Variants in ZNF30 observed in about 807,000 individuals in gnomAD.
The protein encoded by ZNF30 is zinc finger protein 30 (KOX 28).
Under a neutral mutation model 13.2 loss-of-function variants are expected in ZNF30, and 15 were observed. The ratio of observed to expected loss-of-function variants is 1.13; its 90% CI spans 0.76 to 1.75. The LOEUF (loss-of-function observed/expected upper bound fraction) is 1.75, where lower values mean the gene tolerates loss of function less well. ZNF30 is among the 40% of genes most tolerant of loss of function. The pLI, the probability that ZNF30 is intolerant of heterozygous loss-of-function variation, is 0.00. For missense variants in ZNF30, 726 were observed against 757.0 expected (o/e 0.96, Z 0.48); for synonymous variants, 223 against 256.6 (o/e 0.87, Z 1.25).
At position 34,927,033 on chromosome 19, in the gene ZNF30, G is replaced by T; in HGVS notation, c.-248G>T. The T allele has an allele frequency of 2.5e-6, 1 of 398,588 alleles. No homozygotes were observed. The highest frequency in any genetic ancestry group is 4.4e-6 in the Non-Finnish European group (1 of 226,008). 24.7% of individuals were successfully genotyped at this position (398,588 alleles called of 1,614,324 possible). ...GGCCACTGGAACGACCTCAATCTCT[G>T]CCTCCTCGCCAGTTCATTGTGGTCG... On this transcript the variant is annotated 5_prime_UTR_variant, in exon 1 of 5. Transcript: ENST00000601142.
upstream of ZNF30, among the ~76,000 whole-genome samples, chr19:34,925,371 T>C (rs982846525): frequency 2.0e-5 from 3 of 152,156 alleles, no homozygotes; most frequent in African/African-American, 4.8e-5. Flanking sequence ...CTCTCAACAG[T>C]TGGGGGAGCC....
At chr19:34,931,477 G>GA (rs1226717525) in intron 2 of ZNF30, among the ~76,000 whole-genome samples, 37 of 152,172 alleles carry the variant, frequency 2.4e-4, no homozygotes, top group Non-Finnish European at 4.0e-4. Flanking sequence ...TACAGTTGGA[G>GA]AAAGGAATCA....
At chr19:34,932,040 C>CCTG in intron 3 of ZNF30, 47 bp downstream of exon 3, 2 of 1,486,496 alleles carry the variant, frequency 1.3e-6, no homozygotes, top group South Asian at 1.5e-5. Flanking sequence ...CCCTGTTATA[C>CCTG]TTTCTCCTTT....
Position 34,938,454 on chromosome 19 carries a change from C to G in ZNF30, c.256+4731C>G, listed in dbSNP as rs1204164912. Among the ~76,000 whole-genome samples the G allele has an allele frequency of 3.3e-5, 5 of 151,972 alleles. No homozygotes were observed. The South Asian group carries it at 6.2e-4, about 19-fold the overall frequency. On this transcript the variant is annotated intron_variant, in intron 4 of 4. Transcript: ENST00000601142. ...ATTCTTAAAAGTCTGGATTTGGGAA[C>G]TTTTTTTGCATTTTGCCAACTGAGT...
chr19:34,943,969 C>CA lies in ZNF30; in HGVS notation c.1004dup (p.Ser336GlufsTer6). ...TGTGTATGGACAGCTTACTCGACATCAGAGTATTCATACTGGTGAGAAACC... is the reference window on the plus strand; with the variant it reads ...TGTGTATGGACAGCTTACTCGACATCAAGAGTATTCATACTGGTGAGAAACC... On this transcript the variant is annotated frameshift_variant, in exon 5 of 5. Transcript: ENST00000601142. LOFTEE classifies it low-confidence loss of function (END_TRUNC). The CA allele has an allele frequency of 6.2e-7, 1 of 1,614,070 alleles. No individual in the cohort carries two copies. The highest frequency in any genetic ancestry group is 8.5e-7 in the Non-Finnish European group (1 of 1,180,014).
chr19:34,933,040 A>G (rs2012538794), intron 3 of ZNF30, among the ~76,000 whole-genome samples: 1 of 151,970 alleles, frequency 6.6e-6, no homozygotes, highest in East Asian at 1.9e-4. Context: ...CTGGCCTCCA[A>G]AAGTGCTGGG....
At chr19:34,935,700 GTTTTTTTTTTTTTT>G (rs142285130) in intron 4 of ZNF30, among the ~76,000 whole-genome samples, 1 of 84,222 alleles carries the variant, frequency 1.2e-5, no homozygotes, top group African/African-American at 5.2e-5. Context: ...GTTGTCTATA[GTTTTTTTTTTTTTT>G]TTTTTTTTTT....
intron 3 of ZNF30, among the ~76,000 whole-genome samples, chr19:34,933,089 GAC>G (rs139245030): frequency 0.31 from 46,297 of 151,458 alleles, 7,174 homozygotes; most frequent in South Asian, 0.35. Flanking sequence ...TTTTTATCAA[GAC>G]ACAAAGAATA....
intron 4 of ZNF30, among the ~76,000 whole-genome samples, chr19:34,941,613 T>G (rs1438603399): frequency 6.6e-6 from 1 of 152,208 alleles, no homozygotes; most frequent in Non-Finnish European, 1.5e-5. Context: ...CTCTTTGAAT[T>G]AAGTTATCTA....
chr19:34,929,936 A>G lies in ZNF30; in HGVS notation c.-12A>G. On this transcript the variant is annotated 5_prime_UTR_variant, in exon 2 of 5. Transcript: ENST00000601142. Reference sequence around the variant, plus strand: ...CCAGTGAAGACTGATCAGTTCTTACAATTCTCAAAGCATGGCCCATGTAAG... The same window carrying G: ...CCAGTGAAGACTGATCAGTTCTTACGATTCTCAAAGCATGGCCCATGTAAG... 1 of 1,607,288 alleles carries G rather than the reference A, an allele frequency of 6.2e-7. No homozygotes were observed. The highest frequency in any genetic ancestry group is 8.5e-7 in the Non-Finnish European group (1 of 1,176,500).
intron 4 of ZNF30, among the ~76,000 whole-genome samples, chr19:34,938,398 A>G (rs1212454727): frequency 6.6e-6 from 1 of 152,060 alleles, no homozygotes; most frequent in Non-Finnish European, 1.5e-5. Flanking sequence ...ATTTTTTTAT[A>G]ATACCTCTTA....
At chr19:34,936,724 C>T (rs528541033) in intron 4 of ZNF30, among the ~76,000 whole-genome samples, 1 of 152,100 alleles carries the variant, frequency 6.6e-6, no homozygotes, top group East Asian at 2.0e-4. Context: ...AGGGATATCC[C>T]ATCTCTATAT....
intron 1 of ZNF30, among the ~76,000 whole-genome samples, chr19:34,929,150 G>A (rs1338521193): frequency 6.6e-6 from 1 of 152,186 alleles, no homozygotes; most frequent in East Asian, 1.9e-4. Flanking sequence ...GCGTGACTAT[G>A]CGCCTGTAGT....
chr19:34,933,744 T>C, intron 4 of ZNF30, 21 bp downstream of exon 4: 1 of 1,513,472 alleles, frequency 6.6e-7, no homozygotes, highest in Non-Finnish European at 9.0e-7. Context: ...GCATGGCAGG[T>C]AGGGAGGCCA....
chr19:34,929,345 T>C (rs1183888354), intron 1 of ZNF30, among the ~76,000 whole-genome samples: 1 of 152,204 alleles, frequency 6.6e-6, no homozygotes, highest in African/African-American at 2.4e-5. Context: ...GCAAGTATTC[T>C]ATTAACTTTT....
At chr19:34,942,755 T>C (rs1012902933) in intron 4 of ZNF30, 3 of 580,860 alleles carry the variant, frequency 5.2e-6, no homozygotes, top group East Asian at 7.0e-5. Context: ...TGTCTTGATA[T>C]GAGGTCTGAG....
At chr19:34,933,560 T>C in intron 3 of ZNF30, 68 bp from the exon 4 acceptor site, 1 of 1,242,350 alleles carries the variant, frequency 8.0e-7, no homozygotes, top group Non-Finnish European at 1.1e-6. Context: ...ATGGCAAATT[T>C]AACCAAAGCT....
At chr19:34,941,755 G>A (rs2546016) in intron 4 of ZNF30, among the ~76,000 whole-genome samples, 55,496 of 152,104 alleles carry the variant, frequency 0.36, 10,643 homozygotes, top group African/African-American at 0.48. Context: ...TGGTTTTTGT[G>A]TACAAACCCA....
rs908060553 is a variant in ZNF30 at position 34,926,947 on chromosome 19, A to G, written c.-334A>G. The G allele has an allele frequency of 1.0e-5, 4 of 398,400 alleles. No individual in the cohort carries two copies. Among genetic ancestry groups the G allele is most frequent in the Non-Finnish European group, 1.3e-5 (3 of 226,002 alleles). 24.7% of individuals were successfully genotyped at this position (398,400 alleles called of 1,614,324 possible). ...ATGCTCGGCGGTGTGACGGCTCAGGACTGCATTTCCCAGAGGCTGCAGCTA... is the reference window on the plus strand; with the variant it reads ...ATGCTCGGCGGTGTGACGGCTCAGGGCTGCATTTCCCAGAGGCTGCAGCTA... On this transcript the variant is annotated 5_prime_UTR_variant, in exon 1 of 5. Transcript: ENST00000601142.
Sources: allele counts gnomAD v4.1 joint callset (sites outside exome capture counted in the v4.1 genomes callset), GRCh38; gene constraint gnomAD v4.1.1; transcripts MANE v1.5; gene names NCBI Gene and HGNC (gene_info 2026-07-23, HGNC 2026-07-21).